ALCAM: variants seen among roughly 807,000 people sequenced by gnomAD.
ALCAM encodes CD166 antigen.
ALCAM carries 30 observed loss-of-function variants against 70.9 expected under a neutral mutation model. That is an observed-to-expected ratio of 0.42 (90% confidence interval 0.32 to 0.57). The LOEUF is 0.57. ALCAM is among the 20% of genes least tolerant of loss of function. The pLI is 0.11. For synonymous variants in ALCAM, 249 were observed against 242.5 expected, an observed-to-expected ratio of 1.03 and a Z score of -0.25; for missense variants, 591 against 695.1, an observed-to-expected ratio of 0.85 and a Z score of 1.68.
chr3:105,551,963 A>T (rs1237932228), intron 12 of ALCAM, among the ~76,000 whole-genome samples, 181 bp from the exon 13 acceptor site: 1 of 151,442 alleles, frequency 6.6e-6, no homozygotes, highest in East Asian at 1.9e-4. Context: ...CCTTAAAACA[A>T]GATTAATTTC....
chr3:105,401,300 A>G (rs1412943557), intron 1 of ALCAM, among the ~76,000 whole-genome samples: 3 of 152,246 alleles, frequency 2.0e-5, no homozygotes, highest in African/African-American at 7.2e-5. Flanking sequence ...TATTTGAAAG[A>G]TCACCACTGA....
chr3:105,444,368 G>A (rs1056971907), intron 1 of ALCAM, among the ~76,000 whole-genome samples: 2 of 152,098 alleles, frequency 1.3e-5, no homozygotes, highest in Non-Finnish European at 2.9e-5. Context: ...ACAAGCAAGA[G>A]CAAGGAAAAC....
chr3:105,521,860 C>A (rs1939553456), intron 2 of ALCAM, among the ~76,000 whole-genome samples: 2 of 152,120 alleles, frequency 1.3e-5, no homozygotes, highest in South Asian at 4.1e-4. Flanking sequence ...ATTTAGTATC[C>A]AGTTCACTCG....
At chr3:105,511,016 A>G (rs1939221393) in intron 1 of ALCAM, among the ~76,000 whole-genome samples, 1 of 152,046 alleles carries the variant, frequency 6.6e-6, no homozygotes, top group Non-Finnish European at 1.5e-5. Flanking sequence ...CTTTCAATAC[A>G]GCTTCCTATA....
intron 1 of ALCAM, among the ~76,000 whole-genome samples, chr3:105,451,330 G>A (rs1937423079): frequency 6.6e-6 from 1 of 150,804 alleles, no homozygotes; most frequent in South Asian, 2.1e-4. Context: ...AGGAAAGGAG[G>A]GAGGGATAAA....
chr3:105,437,024 C>T (rs1379162110), intron 1 of ALCAM, among the ~76,000 whole-genome samples: 1 of 152,208 alleles, frequency 6.6e-6, no homozygotes, highest in East Asian at 1.9e-4. Context: ...ACTGAGAATA[C>T]AGATGTGAAC....
Position 105,396,660 on chromosome 3 carries a change from A to G in ALCAM, c.73+29179A>G, listed in dbSNP as rs569104638. On this transcript the variant is annotated intron_variant, in intron 1 of 15. Transcript: ENST00000306107. Reference sequence around the variant, plus strand: ...CTAACAGTAAAAATATTGTGGAACCATAGCTTCCCTACTGCCCAGTCCTCT... The same window carrying G: ...CTAACAGTAAAAATATTGTGGAACCGTAGCTTCCCTACTGCCCAGTCCTCT... Among the ~76,000 whole-genome samples the G allele has an allele frequency of 8.5e-5, 13 of 152,136 alleles. No homozygotes were observed. In the South Asian group the frequency reaches 2.5e-3, roughly 29 times the overall value.
intron 1 of ALCAM, among the ~76,000 whole-genome samples, chr3:105,420,275 GTCTTCTCAGTATTT>G (rs1936614856): frequency 6.6e-6 from 1 of 151,126 alleles, no homozygotes; most frequent in African/African-American, 2.4e-5. Flanking sequence ...TAAAAAAATG[GTCTTCTCAGTATTT>G]TTAATATAGA....
intron 1 of ALCAM, among the ~76,000 whole-genome samples, chr3:105,435,243 A>G (rs1323369047): frequency 6.6e-6 from 1 of 152,250 alleles, no homozygotes; most frequent in Non-Finnish European, 1.5e-5. Flanking sequence ...AACTGATGTC[A>G]TACCTATAGT....
chr3:105,445,166 A>G (rs974426167), intron 1 of ALCAM, among the ~76,000 whole-genome samples: 1 of 152,186 alleles, frequency 6.6e-6, no homozygotes, highest in African/African-American at 2.4e-5. Flanking sequence ...CAGATACAGT[A>G]AATGTTAGTT....
intron 12 of ALCAM, 57 bp from the exon 13 acceptor site, chr3:105,552,087 A>C (rs1940424017): frequency 7.7e-7 from 1 of 1,293,038 alleles, no homozygotes; most frequent in African/African-American, 1.5e-5. Context: ...GGTAAAGGTG[A>C]CTTTCATATA....
chr3:105,559,702 G>T (rs1485682905), intron 14 of ALCAM, among the ~76,000 whole-genome samples: 1 of 152,094 alleles, frequency 6.6e-6, no homozygotes, highest in Non-Finnish European at 1.5e-5. Flanking sequence ...AGTTCCCTTA[G>T]ACTTCTTTTT....
In ALCAM at chr3:105,480,211, G is replaced by C. The variant is rs1327992215; in HGVS notation, c.74-39856G>C. ...CTAAAAATACAAAAATTAGCCATGC[G>C]TGGTGGCACGTGCCTATAATCCCAG... is the stretch of plus-strand genomic sequence containing the variant. On this transcript the variant is annotated intron_variant, in intron 1 of 15. Transcript: ENST00000306107. Among the ~76,000 whole-genome samples the C allele has an allele frequency of 3.3e-5, 5 of 151,984 alleles. No homozygotes were observed. In the South Asian group the frequency reaches 1.0e-3, roughly 32 times the overall value.
At chr3:105,510,124 A>G (rs1453155458) in intron 1 of ALCAM, among the ~76,000 whole-genome samples, 1 of 152,094 alleles carries the variant, frequency 6.6e-6, no homozygotes, top group East Asian at 1.9e-4. Context: ...ACACCTATGC[A>G]AGAAAAAATG....
intron 13 of ALCAM, 123 bp from the exon 14 acceptor site, chr3:105,552,345 A>T (rs1339886471): frequency 2.3e-6 from 3 of 1,294,030 alleles, no homozygotes; most frequent in Non-Finnish European, 3.3e-6. Context: ...AAAAATCACA[A>T]GTTTGCATGT....
At chr3:105,519,849 A>G (rs1439412983) in intron 1 of ALCAM, among the ~76,000 whole-genome samples, 1 of 152,202 alleles carries the variant, frequency 6.6e-6, no homozygotes, top group Non-Finnish European at 1.5e-5. Context: ...GTGATAGTCA[A>G]GGATTCAAAC....
chr3:105,460,817 T>C (rs1465483168), intron 1 of ALCAM, among the ~76,000 whole-genome samples: 1 of 151,948 alleles, frequency 6.6e-6, no homozygotes, highest in Admixed American at 6.6e-5. Flanking sequence ...AGATAAGAAT[T>C]AAAGGAGGAT....
At chr3:105,446,489 GGTTGGTAT>G (rs1325918190) in intron 1 of ALCAM, among the ~76,000 whole-genome samples, 1 of 152,004 alleles carries the variant, frequency 6.6e-6, no homozygotes, top group Non-Finnish European at 1.5e-5. Flanking sequence ...AAGAAAATTA[GGTTGGTAT>G]GTTGAAGAGA....
At chr3:105,389,731 T>C (rs1027306374) in intron 1 of ALCAM, among the ~76,000 whole-genome samples, 3 of 151,164 alleles carry the variant, frequency 2.0e-5, no homozygotes, top group African/African-American at 7.3e-5. Context: ...CCTGATTCTG[T>C]CCCTCCCCCC....
Sources: allele counts gnomAD v4.1 joint callset (sites outside exome capture counted in the v4.1 genomes callset), GRCh38; gene constraint gnomAD v4.1.1; transcripts MANE v1.5; gene names NCBI Gene and HGNC (gene_info 2026-07-23, HGNC 2026-07-21).